The following CDIN1 variants were observed in gnomAD, a reference collection of about 807,000 sequenced individuals.
CDIN1 encodes CDAN1-interacting nuclease 1.
A neutral mutation model predicts 45.3 loss-of-function variants in CDIN1; 33 were observed. The ratio of observed to expected loss-of-function variants is 0.73; its 90% CI spans 0.55 to 0.97. CDIN1 has a LOEUF of 0.97. Ranked by LOEUF, CDIN1 falls within the 50% of genes least tolerant of loss-of-function variation. The pLI is 0.00. For synonymous variants in CDIN1, 118 were observed against 124.4 expected, an observed-to-expected ratio of 0.95 and a Z score of 0.34; for missense variants, 303 against 339.4, an observed-to-expected ratio of 0.89 and a Z score of 0.84.
intron 1 of CDIN1, among the ~76,000 whole-genome samples, chr15:36,593,287 A>C (rs1034384649): frequency 6.6e-6 from 1 of 152,112 alleles, no homozygotes; most frequent in Admixed American, 6.5e-5. Context: ...AAATGCAACC[A>C]CTCATATCTG....
At chr15:36,638,744 T>G (rs1229252893) in intron 1 of CDIN1, among the ~76,000 whole-genome samples, 1 of 152,220 alleles carries the variant, frequency 6.6e-6, no homozygotes, top group Admixed American at 6.5e-5. Context: ...AGCCATGGAA[T>G]TTGGTCAAAA....
chr15:36,588,526 A>G (rs1252517867), intron 1 of CDIN1, among the ~76,000 whole-genome samples: 1 of 152,234 alleles, frequency 6.6e-6, no homozygotes, highest in African/African-American at 2.4e-5. Context: ...TAGAAATAGA[A>G]TTAATTTACA....
intron 1 of CDIN1, among the ~76,000 whole-genome samples, chr15:36,594,589 A>G (rs1159109929): frequency 6.6e-6 from 1 of 152,208 alleles, no homozygotes; most frequent in African/African-American, 2.4e-5. Context: ...TGACTTTACC[A>G]TGAAAAATTT....
intron 8 of CDIN1, among the ~76,000 whole-genome samples, chr15:36,702,484 C>T (rs1179902671): frequency 6.6e-6 from 1 of 151,160 alleles, no homozygotes; most frequent in East Asian, 1.9e-4. Flanking sequence ...TTGTTGTGAC[C>T]ACTTACGATG....
intron 1 of CDIN1, chr15:36,591,723 G>A (rs545439576): frequency 1.1e-3 from 166 of 152,316 alleles, no homozygotes; most frequent in African/African-American, 3.7e-3. Context: ...TATAAAGCAA[G>A]CCGGTGTTGG....
chr15:36,667,697 T>G (rs2041301481), intron 5 of CDIN1, among the ~76,000 whole-genome samples: 1 of 152,146 alleles, frequency 6.6e-6, no homozygotes. Context: ...GCTAATATAT[T>G]TAAGAATGAG....
At chr15:36,604,738 A>G (rs2038281629) in intron 1 of CDIN1, among the ~76,000 whole-genome samples, 1 of 152,152 alleles carries the variant, frequency 6.6e-6, no homozygotes, top group Admixed American at 6.6e-5. Context: ...ATATATGAAG[A>G]AAAAGCACCT....
In CDIN1 at chr15:36,654,111, G is replaced by T; in HGVS notation, c.226G>T (p.Val76Leu). 1 of 1,579,180 alleles carries T rather than the reference G, an allele frequency of 6.3e-7. No homozygotes were observed. Among genetic ancestry groups the T allele is most frequent in the Non-Finnish European group, 8.6e-7 (1 of 1,160,254 alleles). The change falls in exon 4 of 11, where the codon GTG becomes TTG. Residue 76 changes from valine (V) to leucine (L), a missense_variant. Val to Leu is a conservative substitution (Grantham distance 32, BLOSUM62 1). Transcript: ENST00000566621. ...TGTCTTGTCTAGGTACCTGAATGGA[G>T]TGGTGAAAAATGGAGCTGCCCCAGT... ...ESYYQRYLNG[V>L]VKNGAAPVLL...
intron 10 of CDIN1, chr15:36,798,569 C>T (rs1381823332): frequency 1.3e-5 from 2 of 152,160 alleles, no homozygotes; most frequent in African/African-American, 4.8e-5. Flanking sequence ...CAGCCCTAAT[C>T]CTTCAGTTAT....
chr15:36,805,150 C>T (rs2055186581), intron 10 of CDIN1, among the ~76,000 whole-genome samples: 1 of 152,076 alleles, frequency 6.6e-6, no homozygotes, highest in Non-Finnish European at 1.5e-5. Flanking sequence ...CTTATTCAAA[C>T]GTCATTCACA....
chr15:36,645,209 T>G lies in CDIN1; in HGVS notation c.148-14T>G, dbSNP rs1164112585. On this transcript the variant is annotated splice_polypyrimidine_tract_variant and intron_variant, in intron 2 of 10. Transcript: ENST00000566621. The stretch of plus-strand genomic sequence containing the variant: ...ATCAAAGATTTTTTTGTGTTGTTGT[T>G]TTTTTTCTTTCAGAAACACATTAAA... 55 of 1,546,606 alleles carry G rather than the reference T, an allele frequency of 3.6e-5. No individual in the cohort carries two copies. Among genetic ancestry groups the G allele is most frequent in the Non-Finnish European group, 4.8e-5 (55 of 1,144,072 alleles).
intron 10 of CDIN1, among the ~76,000 whole-genome samples, chr15:36,710,486 T>C (rs1696078260): frequency 2.0e-5 from 3 of 152,152 alleles, no homozygotes; most frequent in African/African-American, 7.2e-5. Context: ...CTTATTTTAC[T>C]GTTTATCTAC....
At chr15:36,588,294 C>T (rs547300332) in intron 1 of CDIN1, among the ~76,000 whole-genome samples, 45 of 152,214 alleles carry the variant, frequency 3.0e-4, no homozygotes, top group African/African-American at 1.1e-3. Context: ...CATTGCAATG[C>T]ATAATTAATA....
intron 1 of CDIN1, among the ~76,000 whole-genome samples, chr15:36,620,624 A>G (rs1367309118): frequency 3.3e-5 from 5 of 152,208 alleles, no homozygotes; most frequent in Non-Finnish European, 5.9e-5. Flanking sequence ...TCAGAATTGA[A>G]CATTGAAGTA....
chr15:36,801,496 G>A (rs2055045067), intron 10 of CDIN1, among the ~76,000 whole-genome samples: 1 of 152,028 alleles, frequency 6.6e-6, no homozygotes, highest in African/African-American at 2.4e-5. Flanking sequence ...TGTTTAACAA[G>A]TTCTGAACCT....
intron 10 of CDIN1, among the ~76,000 whole-genome samples, chr15:36,753,395 A>T (rs552982796): frequency 6.6e-6 from 1 of 152,224 alleles, no homozygotes; most frequent in African/African-American, 2.4e-5. Flanking sequence ...GAGATACAGT[A>T]TAAGGGATTA....
At chr15:36,762,691 G>C (rs1437293380) in intron 10 of CDIN1, among the ~76,000 whole-genome samples, 2 of 151,232 alleles carry the variant, frequency 1.3e-5, no homozygotes, top group East Asian at 3.9e-4. Context: ...GCACTTTCTG[G>C]TCCAAGTGTT....
chr15:36,757,657 T>G (rs564088306), intron 10 of CDIN1, among the ~76,000 whole-genome samples: 1 of 152,150 alleles, frequency 6.6e-6, no homozygotes, highest in African/African-American at 2.4e-5. Context: ...CTGTGTACAC[T>G]ACCCGCCTGT....
chr15:36,666,332 G>A (rs2041247977), intron 5 of CDIN1, among the ~76,000 whole-genome samples: 1 of 152,124 alleles, frequency 6.6e-6, no homozygotes, highest in Admixed American at 6.5e-5. Flanking sequence ...ATCATGGCTG[G>A]TATTTTCAGG....
Sources: allele counts gnomAD v4.1 joint callset (sites outside exome capture counted in the v4.1 genomes callset), GRCh38; gene constraint gnomAD v4.1.1; transcripts MANE v1.5; gene names NCBI Gene and HGNC (gene_info 2026-07-23, HGNC 2026-07-21).